The following JKAMP variants were observed in gnomAD, a reference collection of about 807,000 sequenced individuals.
The protein encoded by JKAMP is JNK1/MAPK8-associated membrane protein.
Under a neutral mutation model 40.2 loss-of-function variants are expected in JKAMP, and 20 were observed. The ratio of observed to expected loss-of-function variants is 0.50; its 90% CI spans 0.35 to 0.72. JKAMP has a LOEUF of 0.72. Among genes scored for constraint, JKAMP ranks in the 30% least tolerant of loss-of-function variants. JKAMP has a pLI of 0.01. For missense variants in JKAMP, 276 were observed against 373.0 expected, an observed-to-expected ratio of 0.74 and a Z score of 2.14; for synonymous variants, 138 against 131.6, an observed-to-expected ratio of 1.05 and a Z score of -0.33.
rs1261460995 is a variant in JKAMP at position 59,502,764 on chromosome 14, T to TCTTTGTTTTTGTTTTTG, written c.718-1090_718-1089insCTTTGTTTTTGTTTTTG. On this transcript the variant is annotated intron_variant, in intron 6 of 6. Transcript: ENST00000616435. Reference sequence around the variant, plus strand: ...AATAAAATGAGATTTTTTTTTTTTTTTTTTTTTTTCGGAGTCTCACTCTGT... The same window carrying TCTTTGTTTTTGTTTTTG: ...AATAAAATGAGATTTTTTTTTTTTTTCTTTGTTTTTGTTTTTGTTTTTTTTTCGGAGTCTCACTCTGT... Among the ~76,000 whole-genome samples, 271 of 130,504 alleles carry TCTTTGTTTTTGTTTTTG rather than the reference T, an allele frequency of 2.1e-3. 12 individuals are homozygous for TCTTTGTTTTTGTTTTTG. Among genetic ancestry groups the TCTTTGTTTTTGTTTTTG allele is most frequent in the Middle Eastern group, 3.7e-3 (1 of 272 alleles). 85.6% of individuals were successfully genotyped at this position (130,504 alleles called of 152,430 possible). A position where few individuals can be genotyped will look rare whatever the true frequency, so the allele number is the denominator to read the frequency against.
Position 59,505,298 on chromosome 14 carries a change from G to A in JKAMP, c.*1226G>A, listed in dbSNP as rs778816267. On this transcript the variant is annotated 3_prime_UTR_variant, in exon 7 of 7. Transcript: ENST00000616435. ...ACCACTGGGAAATGAACCCTTGTAC[G>A]AATGTGTTTCTTCTTCTCTGTAGGA... is the stretch of plus-strand genomic sequence containing the variant. 3.4e-5 allele frequency: 51 copies of A among 1,497,852 alleles called. No homozygotes were observed. Among genetic ancestry groups the A allele is most frequent in the South Asian group, 5.1e-5 (4 of 78,108 alleles). The allele number at this position is 1,497,852 out of a possible 1,614,324, so 92.8% of individuals were successfully genotyped here. A position where few individuals can be genotyped will look rare whatever the true frequency, so the allele number is the denominator to read the frequency against.
chr14:59,503,597 G>A (rs1892103585), intron 6 of JKAMP, among the ~76,000 whole-genome samples: 1 of 152,112 alleles, frequency 6.6e-6, no homozygotes, highest in Non-Finnish European at 1.5e-5. Context: ...GCATAGACTA[G>A]GACTTAAGAG....
chr14:59,500,382 A>T (rs1178185603), intron 5 of JKAMP, among the ~76,000 whole-genome samples: 2 of 152,236 alleles, frequency 1.3e-5, no homozygotes, highest in Non-Finnish European at 2.9e-5. Context: ...GTATGAAAAA[A>T]ATTCAAAGTT....
intron 6 of JKAMP, among the ~76,000 whole-genome samples, chr14:59,502,758 T>TTTTTTTCTTTGTTTTTG (rs1892009522): frequency 7.6e-6 from 1 of 130,856 alleles, no homozygotes; most frequent in Non-Finnish European, 1.6e-5. Context: ...AGATTTTTTT[T>TTTTTTTCTTTGTTTTTG]TTTTTTTTTT....
At chr14:59,486,955 CT>C (rs773849523) in intron 2 of JKAMP, among the ~76,000 whole-genome samples, 151 bp downstream of exon 2, 1 of 152,174 alleles carries the variant, frequency 6.6e-6, no homozygotes, top group Non-Finnish European at 1.5e-5. Context: ...AATCCCAGCA[CT>C]TTGGGAAGCC....
intron 3 of JKAMP, 66 bp downstream of exon 3, chr14:59,487,894 T>A (rs941933652): frequency 2.9e-6 from 4 of 1,385,992 alleles, no homozygotes; most frequent in South Asian, 1.2e-5. Flanking sequence ...TCAGAAGACC[T>A]TATTAAGTAA....
rs777546909 is a variant in JKAMP, at chr14:59,504,559, CTATT to C, written c.*493_*496del. On this transcript the variant is annotated 3_prime_UTR_variant, in exon 7 of 7. Transcript: ENST00000616435. ...AATGATGTATATTGTTTTTTGTTAT[CTATT>C]TATTTTCATCAATACAGTATTTTGA... 2.0e-5 allele frequency: 3 copies of C among 153,328 alleles called. No individual in the cohort carries two copies. Among genetic ancestry groups the C allele is most frequent in the African/African-American group, 4.8e-5 (2 of 41,392 alleles). 9.5% of individuals were successfully genotyped at this position (153,328 alleles called of 1,614,324 possible). A position where few individuals can be genotyped will look rare whatever the true frequency, so the allele number is the denominator to read the frequency against.
chr14:59,488,723 T>C (rs540134084), intron 3 of JKAMP, among the ~76,000 whole-genome samples: 60 of 152,336 alleles, frequency 3.9e-4, no homozygotes, highest in African/African-American at 1.4e-3. Context: ...TTCCTCCAAC[T>C]TCTCAGGATC....
chr14:59,502,504 A>G (rs916673484), intron 6 of JKAMP, among the ~76,000 whole-genome samples: 2 of 152,150 alleles, frequency 1.3e-5, no homozygotes, highest in African/African-American at 4.8e-5. Context: ...GTGGGGGAAA[A>G]CATCTAGGAA....
rs779856650 is a variant in JKAMP, at chr14:59,495,007, T to C, written c.252-11T>C. 1.2e-5 allele frequency: 19 copies of C among 1,606,392 alleles called. No homozygotes were observed. The East Asian group carries it at 4.0e-4, about 34-fold the overall frequency. ...ATTTTTCTAGTAATCATGCCTCTTT[T>C]CCTTCTCTAGTTCCAGCGCACTTTT... On this transcript the variant is annotated splice_polypyrimidine_tract_variant and intron_variant, in intron 3 of 6. Transcript: ENST00000616435.
chr14:59,486,747 T>C lies in JKAMP; in HGVS notation c.39T>C (p.Tyr13=), dbSNP rs370092236. The C allele has an allele frequency of 2.4e-5, 39 of 1,595,984 alleles. No individual in the cohort carries two copies. In the African/African-American group the frequency reaches 2.8e-4, roughly 12 times the overall value. The change falls in exon 2 of 7, where the codon TAT becomes TAC. Residue 13 remains tyrosine, a synonymous_variant. Coordinates refer to ENST00000616435, the MANE Select transcript of JKAMP (RefSeq NM_016475.5). ...VDIQPACLGL[Y]CGKTLLFKNG... is the part of the protein sequence containing the mutation. ...TTCAACCAGCATGCCTTGGACTTTA[T>C]TGTGGGAAGACCCTATTATTTAAAA... is the stretch of plus-strand genomic sequence containing the variant.
chr14:59,499,259 C>T (rs1282468591), intron 5 of JKAMP, among the ~76,000 whole-genome samples: 1 of 151,738 alleles, frequency 6.6e-6, no homozygotes, highest in African/African-American at 2.4e-5. Flanking sequence ...ATCTCCTGAC[C>T]TCATGATCTG....
At chr14:59,492,892 G>A (rs1891131357) in intron 3 of JKAMP, among the ~76,000 whole-genome samples, 1 of 150,746 alleles carries the variant, frequency 6.6e-6, no homozygotes, top group African/African-American at 2.4e-5. Flanking sequence ...TCGCCTCCCA[G>A]GTTCACGTCA....
intron 4 of JKAMP, among the ~76,000 whole-genome samples, chr14:59,495,537 T>G (rs1259159241): frequency 1.3e-5 from 2 of 152,192 alleles, no homozygotes; most frequent in Non-Finnish European, 2.9e-5. Flanking sequence ...TGTTTTTTCT[T>G]TTTTTCTCCC....
At chr14:59,492,955 G>T (rs559683477) in intron 3 of JKAMP, among the ~76,000 whole-genome samples, 1 of 151,826 alleles carries the variant, frequency 6.6e-6, no homozygotes, top group Non-Finnish European at 1.5e-5. Flanking sequence ...CTGCCACCAC[G>T]CCCGGCCAAT....
chr14:59,487,502 T>TA, intron 2 of JKAMP, 172 bp from the exon 3 acceptor site: 1 of 533,248 alleles, frequency 1.9e-6, no homozygotes, highest in Non-Finnish European at 3.3e-6. Flanking sequence ...ATATAGCACA[T>TA]ACAATATAGA....
intron 4 of JKAMP, among the ~76,000 whole-genome samples, chr14:59,495,557 G>A (rs923487441): frequency 1.3e-5 from 2 of 152,040 alleles, no homozygotes; most frequent in African/African-American, 4.8e-5. Context: ...CCAAATAAGT[G>A]TAATTTCTGT....
intron 3 of JKAMP, among the ~76,000 whole-genome samples, chr14:59,494,267 G>A (rs369967103): frequency 2.6e-5 from 4 of 151,624 alleles, no homozygotes; most frequent in African/African-American, 7.3e-5. Context: ...CAAAGAAAGT[G>A]AAAATTGAGC....
In JKAMP at chr14:59,505,368, G is replaced by A. The variant is rs1892285263; in HGVS notation, c.*1296G>A. 1.0e-6 allele frequency: 1 copy of A among 984,008 alleles called. No homozygotes were observed. Among genetic ancestry groups the A allele is most frequent in the Non-Finnish European group, 1.5e-6 (1 of 687,732 alleles). 61.0% of individuals were successfully genotyped at this position (984,008 alleles called of 1,614,324 possible). ...ATTTTATTTGTATTGCACACATTTG[G>A]GGGGTTATTAGTGTTCATTAAAATT... On this transcript the variant is annotated 3_prime_UTR_variant, in exon 7 of 7. Transcript: ENST00000616435.
Sources: allele counts gnomAD v4.1 joint callset (sites outside exome capture counted in the v4.1 genomes callset), GRCh38; gene constraint gnomAD v4.1.1; transcripts MANE v1.5; gene names NCBI Gene and HGNC (gene_info 2026-07-23, HGNC 2026-07-21).